DOCK5: variants seen among roughly 807,000 people sequenced by gnomAD.
DOCK5 encodes dedicator of cytokinesis protein 5.
A neutral mutation model predicts 251.8 loss-of-function variants in DOCK5; 142 were observed. The observed-to-expected ratio is 0.56, with a 90% CI of 0.49 to 0.65. DOCK5 has a LOEUF of 0.65. Among genes scored for constraint, DOCK5 ranks in the 30% least tolerant of loss-of-function variants. DOCK5 has a pLI of 0.00. For synonymous variants in DOCK5, 842 were observed against 835.5 expected (o/e 1.01, Z -0.13); for missense variants, 2,111 against 2,312.3 (o/e 0.91, Z 1.79).
intron 45 of DOCK5, among the ~76,000 whole-genome samples, chr8:25,398,461 A>G (rs1801383168): frequency 6.6e-6 from 1 of 152,206 alleles, no homozygotes; most frequent in Non-Finnish European, 1.5e-5. Context: ...GCTGTAACAA[A>G]GTTCTCCAAA....
intron 28 of DOCK5, among the ~76,000 whole-genome samples, chr8:25,361,291 C>G (rs1333175513): frequency 6.6e-6 from 1 of 152,138 alleles, no homozygotes; most frequent in African/African-American, 2.4e-5. Flanking sequence ...AACAGAATGG[C>G]CAATAAATTG....
At chr8:25,294,870 G>T (rs765221156) in intron 6 of DOCK5, among the ~76,000 whole-genome samples, 3 of 152,032 alleles carry the variant, frequency 2.0e-5, no homozygotes, top group Non-Finnish European at 2.9e-5. Context: ...AGAGAGAGAG[G>T]TGGGAGGGGC....
chr8:25,261,115 C>A (rs1803567021), intron 2 of DOCK5, among the ~76,000 whole-genome samples: 1 of 152,148 alleles, frequency 6.6e-6, no homozygotes. Context: ...GTAGCTCCAT[C>A]CTCAGGAGTT....
At chr8:25,388,036 CA>C (rs758636488) in intron 40 of DOCK5, among the ~76,000 whole-genome samples, 181 of 152,292 alleles carry the variant, frequency 1.2e-3, no homozygotes, top group Middle Eastern at 3.4e-3. Flanking sequence ...AAAGTTTTAT[CA>C]TATATTCCAA....
In DOCK5 at chr8:25,389,817, G is replaced by A. The variant is rs187759991; in HGVS notation, c.4274-389G>A. On this transcript the variant is annotated intron_variant, in intron 41 of 51. Transcript: ENST00000276440. ...CAACTATGGCACTGGATAAACAGAC[G>A]GGATCCAAAGATAAAAGTAATTCTT... is the stretch of plus-strand genomic sequence containing the variant. 4.7e-4 allele frequency among the ~76,000 whole-genome samples: 72 copies of A among 152,190 alleles called. No individual in the cohort carries two copies. The East Asian group carries it at 8.1e-3, about 17-fold the overall frequency.
At chr8:25,314,972 G>A (rs1222458694) in intron 13 of DOCK5, among the ~76,000 whole-genome samples, 2 of 148,794 alleles carry the variant, frequency 1.3e-5, no homozygotes, top group Non-Finnish European at 3.0e-5. Flanking sequence ...GACAACTGCC[G>A]TAGCTTCCTA....
intron 38 of DOCK5, among the ~76,000 whole-genome samples, chr8:25,380,093 C>T (rs11998131): frequency 0.19 from 28,923 of 152,112 alleles, 3,200 homozygotes; most frequent in African/African-American, 0.3. Context: ...CTACAGAAGA[C>T]GCCCCTGGCA....
intron 26 of DOCK5, among the ~76,000 whole-genome samples, chr8:25,347,702 C>T (rs1800394139): frequency 6.6e-6 from 1 of 152,182 alleles, no homozygotes; most frequent in African/African-American, 2.4e-5. Flanking sequence ...ATGTAAAACA[C>T]AAGAATCAGA....
chr8:25,395,739 C>A lies in DOCK5; in HGVS notation c.4704+20C>A. ...GAAAAGGTTCGCTTGGTCCCAGAAT[C>A]CCCTAGGGATTCACAGACCTGGGTG... is the stretch of plus-strand genomic sequence containing the variant. On this transcript the variant is annotated intron_variant, in intron 45 of 51. Transcript: ENST00000276440. 2 of 1,606,992 alleles carry A rather than the reference C, an allele frequency of 1.2e-6. No individual in the cohort carries two copies. The highest frequency in any genetic ancestry group is 8.5e-7 in the Non-Finnish European group (1 of 1,177,606).
chr8:25,325,495 A>G lies in DOCK5; in HGVS notation c.1851A>G (p.Lys617=). 1.9e-6 allele frequency: 3 copies of G among 1,613,878 alleles called. No individual in the cohort carries two copies. Among genetic ancestry groups the G allele is most frequent in the South Asian group, 1.1e-5 (1 of 91,082 alleles). ...TCACCCCAAGCAAGGATAGCACTAA[A>G]GACAGCTTTCAGATTGCCACCCTCA... ...VTFTPSKDST[K]DSFQIATLIC... Residue 617 remains lysine, a synonymous_variant, in exon 18 of 52, where the codon AAA becomes AAG. Coordinates refer to ENST00000276440, the MANE Select transcript of DOCK5 (RefSeq NM_024940.8).
intron 28 of DOCK5, among the ~76,000 whole-genome samples, chr8:25,359,498 C>T (rs770612730): frequency 1.3e-5 from 2 of 152,218 alleles, no homozygotes; most frequent in Admixed American, 6.5e-5. Flanking sequence ...TACAACTGGT[C>T]CGTGTGGCCT....
In DOCK5 at chr8:25,302,443, T is replaced by A; in HGVS notation, c.965T>A (p.Phe322Tyr). The change falls in exon 10 of 52, where the codon TTT becomes TAT. Residue 322 changes from phenylalanine to tyrosine, a missense_variant. Phe to Tyr is a conservative substitution (Grantham distance 22). Coordinates refer to ENST00000276440, the MANE Select transcript of DOCK5 (RefSeq NM_024940.8). ...KKHTCGLRRPFGVAVMDITDI... is the reference protein window; with the variant it reads ...KKHTCGLRRPYGVAVMDITDI... ...CACACCTGTGGACTCCGAAGACCTT[T>A]TGGAGTGGCAGGTACAAGAGAGACC... The A allele has an allele frequency of 6.4e-7, 1 of 1,568,028 alleles. No homozygotes were observed. Among genetic ancestry groups the A allele is most frequent in the Non-Finnish European group, 8.6e-7 (1 of 1,156,522 alleles).
In DOCK5 at chr8:25,336,240, A is replaced by C; in HGVS notation, c.2194A>C (p.Lys732Gln). ...KHFSATLAYV[K>Q]LSKVLNFYVA... The stretch of plus-strand genomic sequence containing the variant: ...ATTTTTCTTTCTCATTCTTCTAAGG[A>C]AACTCTCCAAGGTACTGAACTTCTA... Residue 732 changes from lysine (K) to glutamine (Q), a missense_variant and splice_region_variant, in exon 22 of 52, where the codon AAA becomes CAA. By Grantham distance (53) the Lys-to-Gln change is moderately conservative (BLOSUM62 1). This residue lies in a region of DOCK5 where 1,717 missense variants were observed against 1,892.4 expected (regional missense o/e 0.91). Transcript: ENST00000276440. 6.2e-7 allele frequency: 1 copy of C among 1,608,708 alleles called. No individual in the cohort carries two copies. The highest frequency in any genetic ancestry group is 8.5e-7 in the Non-Finnish European group (1 of 1,175,514).
intron 1 of DOCK5, among the ~76,000 whole-genome samples, chr8:25,202,149 C>G (rs1273533081): frequency 2.0e-5 from 3 of 152,136 alleles, no homozygotes; most frequent in African/African-American, 4.8e-5. Flanking sequence ...CCCCAAGTAG[C>G]TGTGACTACA....
chr8:25,280,672 C>G (rs992888363), intron 5 of DOCK5, among the ~76,000 whole-genome samples: 1 of 152,212 alleles, frequency 6.6e-6, no homozygotes, highest in East Asian at 1.9e-4. Context: ...TTGGGGCACA[C>G]TGCTTCATAA....
At chr8:25,392,690 T>G (rs1801281909) in intron 43 of DOCK5, 106 bp from the exon 44 acceptor site, 21 of 969,790 alleles carry the variant, frequency 2.2e-5, no homozygotes, top group Non-Finnish European at 8.0e-6. Flanking sequence ...AGAATCTCAC[T>G]TAAGTGAACC....
intron 1 of DOCK5, among the ~76,000 whole-genome samples, chr8:25,241,367 A>T (rs865937690): frequency 6.6e-6 from 1 of 152,016 alleles, no homozygotes; most frequent in Non-Finnish European, 1.5e-5. Context: ...AGTCCCAGCT[A>T]CTGGGGAGGC....
At chr8:25,402,564 G>A (rs1226448467) in intron 47 of DOCK5, among the ~76,000 whole-genome samples, 1 of 151,884 alleles carries the variant, frequency 6.6e-6, no homozygotes, top group Non-Finnish European at 1.5e-5. Flanking sequence ...CCAAAGTGCT[G>A]GGATTACAGG....
chr8:25,342,529 C>T (rs1434086221), intron 25 of DOCK5, 22 bp downstream of exon 25: 2 of 1,538,886 alleles, frequency 1.3e-6, no homozygotes, highest in Non-Finnish European at 1.8e-6. Context: ...TCAAAACTTG[C>T]TGCATGAGGT....
Sources: allele counts gnomAD v4.1 joint callset (sites outside exome capture counted in the v4.1 genomes callset), GRCh38; gene constraint gnomAD v4.1.1; regional missense constraint gnomAD v4.1.1; transcripts MANE v1.5; gene names NCBI Gene and HGNC (gene_info 2026-07-23, HGNC 2026-07-21).